VPS13B: variants seen among roughly 807,000 people sequenced by gnomAD.
The protein encoded by VPS13B is intermembrane lipid transfer protein VPS13B.
Under a neutral mutation model 426.4 loss-of-function variants are expected in VPS13B, and 285 were observed. That is an observed-to-expected ratio of 0.67 (90% CI 0.61 to 0.74). VPS13B has a LOEUF of 0.74. VPS13B is among the 30% of genes least tolerant of loss of function. The pLI, the probability that VPS13B is intolerant of heterozygous loss-of-function variation, is 0.00. For synonymous variants in VPS13B, 1,676 were observed against 1,676.4 expected (o/e 1.00, Z 0.01); for missense variants, 4,537 against 4,782.6 (o/e 0.95, Z 1.51).
In VPS13B at chr8:99,766,909, G is replaced by C. The variant is rs1811255457; in HGVS notation, c.7186G>C (p.Val2396Leu). Reference sequence around the variant, plus strand: ...TCTCGTGAATGACCAGAAGAAATTAGTATCTTCAGATCTTTGGAGAATTGT... The same window carrying C: ...TCTCGTGAATGACCAGAAGAAATTACTATCTTCAGATCTTTGGAGAATTGT... ...INLVNDQKKL[V>L]SSDLWRIVLN... The change falls in exon 40 of 62, where the codon GTA (valine) becomes CTA (leucine). Residue 2396 changes from valine to leucine, a missense_variant. Transcript: ENST00000357162. 1.2e-6 allele frequency: 2 copies of C among 1,613,890 alleles called. No individual in the cohort carries two copies. The highest frequency in any genetic ancestry group is 1.7e-5 in the Admixed American group (1 of 60,010).
At chr8:99,206,175 C>A in intron 17 of VPS13B, among the ~76,000 whole-genome samples, 1 of 152,218 alleles carries the variant, frequency 6.6e-6, no homozygotes, top group Non-Finnish European at 1.5e-5. Context: ...ACCACTTTTC[C>A]TTGTTCAGAA....
intron 33 of VPS13B, among the ~76,000 whole-genome samples, chr8:99,617,939 C>A (rs1484417722): frequency 6.6e-6 from 1 of 151,672 alleles, no homozygotes; most frequent in Non-Finnish European, 1.5e-5. Context: ...CCTTGCAGCT[C>A]ACTCATGATC....
chr8:99,051,802 G>T (rs1587966850), intron 3 of VPS13B, among the ~76,000 whole-genome samples: 1 of 152,222 alleles, frequency 6.6e-6, no homozygotes, highest in Middle Eastern at 3.4e-3. Flanking sequence ...ATTGTGAATG[G>T]GAGTTCACTC....
intron 17 of VPS13B, among the ~76,000 whole-genome samples, chr8:99,258,707 A>C (rs1817888111): frequency 6.6e-6 from 1 of 152,064 alleles, no homozygotes; most frequent in South Asian, 2.1e-4. Context: ...TTACTACCTG[A>C]AAGACTGTTT....
chr8:99,564,106 G>T (rs1176253854), intron 31 of VPS13B, among the ~76,000 whole-genome samples: 1 of 152,136 alleles, frequency 6.6e-6, no homozygotes, highest in Non-Finnish European at 1.5e-5. Context: ...GTTGTAGGGA[G>T]TGGGGAGTAG....
chr8:99,835,608 A>C lies in VPS13B; in HGVS notation c.9812A>C (p.His3271Pro). Residue 3271 changes from histidine (H) to proline (P), a missense_variant, in exon 54 of 62, where the codon CAT (histidine) becomes CCT (proline). Around this residue, in one of 2 missense-constraint regions of VPS13B, gnomAD observed 4,311 missense variants for 4,474.3 expected, o/e 0.96. Transcript: ENST00000357162. ...TGCTCAATTCATCATGAGCTGTATC[A>C]TCAGATTTCCAGTTATCCGGACTGC... ...SECSIHHELYHQISSYPDCKT... is the reference protein window; with the variant it reads ...SECSIHHELYPQISSYPDCKT... 6.2e-7 allele frequency: 1 copy of C among 1,614,170 alleles called. No homozygotes were observed. Among genetic ancestry groups the C allele is most frequent in the East Asian group, 2.2e-5 (1 of 44,884 alleles).
At chr8:99,490,317 T>C in intron 25 of VPS13B, among the ~76,000 whole-genome samples, 1 of 152,138 alleles carries the variant, frequency 6.6e-6, no homozygotes, top group East Asian at 1.9e-4. Flanking sequence ...ATTTTATTGA[T>C]GATTTTCGCG....
intron 19 of VPS13B, among the ~76,000 whole-genome samples, chr8:99,299,050 C>T (rs188041913): frequency 6.0e-4 from 82 of 136,556 alleles, no homozygotes; most frequent in Non-Finnish European, 8.9e-4. Context: ...GTTATTCCAC[C>T]ACTTTTTTTT....
At chr8:99,308,181 A>AT (rs900059942) in intron 19 of VPS13B, among the ~76,000 whole-genome samples, 12 of 147,802 alleles carry the variant, frequency 8.1e-5, no homozygotes, top group South Asian at 2.1e-4. Context: ...TTTATTTTTA[A>AT]TTTTTTTTTT....
At chr8:99,403,286 A>G (rs2133340349) in intron 21 of VPS13B, among the ~76,000 whole-genome samples, 1 of 152,166 alleles carries the variant, frequency 6.6e-6, no homozygotes, top group Admixed American at 6.5e-5. Context: ...GTGCCTATTG[A>G]AAATGTAATT....
At chr8:99,115,936 G>A (rs1847634317) in intron 7 of VPS13B, 62 bp downstream of exon 7, 1 of 1,541,620 alleles carries the variant, frequency 6.5e-7, no homozygotes, top group African/African-American at 1.4e-5. Context: ...TTTTACCATT[G>A]GGAAACTTTA....
chr8:99,022,867 C>T (rs1841964612), intron 2 of VPS13B, among the ~76,000 whole-genome samples: 2 of 151,634 alleles, frequency 1.3e-5, no homozygotes, highest in South Asian at 2.1e-4. Flanking sequence ...AAAAGTGTCC[C>T]TCTTTTTTTT....
At chr8:99,581,628 A>C (rs190482508) in intron 33 of VPS13B, among the ~76,000 whole-genome samples, 1 of 152,278 alleles carries the variant, frequency 6.6e-6, no homozygotes, top group East Asian at 1.9e-4. Context: ...ATACAGGTTG[A>C]GTCCCCTATC....
At chr8:99,504,763 C>G (rs1321422406) in intron 27 of VPS13B, among the ~76,000 whole-genome samples, 2 of 152,164 alleles carry the variant, frequency 1.3e-5, no homozygotes, top group Non-Finnish European at 2.9e-5. Context: ...TGAGCATTAT[C>G]TTCAACTTCA....
intron 54 of VPS13B, among the ~76,000 whole-genome samples, chr8:99,838,089 A>G (rs1815485594): frequency 6.6e-6 from 1 of 152,216 alleles, no homozygotes; most frequent in Non-Finnish European, 1.5e-5. Context: ...ACCAACAGTT[A>G]TTGAGAAGAC....
intron 8 of VPS13B, among the ~76,000 whole-genome samples, chr8:99,122,305 T>A (rs1026650087): frequency 2.6e-5 from 4 of 151,832 alleles, no homozygotes; most frequent in Admixed American, 2.6e-4. Context: ...CTTCCTCCAT[T>A]AACATAATGC....
chr8:99,469,503 T>C (rs1341215265), intron 24 of VPS13B, among the ~76,000 whole-genome samples: 1 of 152,134 alleles, frequency 6.6e-6, no homozygotes, highest in Non-Finnish European at 1.5e-5. Context: ...CAGTAGTGAA[T>C]ACTTTTGAAT....
chr8:99,078,081 T>C (rs1845235719), intron 3 of VPS13B, among the ~76,000 whole-genome samples: 1 of 152,008 alleles, frequency 6.6e-6, no homozygotes, highest in South Asian at 2.1e-4. Flanking sequence ...TCATGAATTT[T>C]TTTTTATAAC....
In VPS13B at chr8:99,303,756, A is replaced by G. The variant is rs1337653848; in HGVS notation, c.2824+28502A>G. 2.7e-5 allele frequency among the ~76,000 whole-genome samples: 4 copies of G among 150,422 alleles called. No individual in the cohort carries two copies. In the East Asian group the frequency reaches 5.8e-4, roughly 22 times the overall value. On this transcript the variant is annotated intron_variant, in intron 19 of 61. Transcript: ENST00000357162. ...AAAAAAAAAAAAAAAAAAAAAGAAT[A>G]TATGTTTCTTTCTTGTGATTGTGTG...
Sources: allele counts gnomAD v4.1 joint callset (sites outside exome capture counted in the v4.1 genomes callset), GRCh38; gene constraint gnomAD v4.1.1; regional missense constraint gnomAD v4.1.1; transcripts MANE v1.5; gene names NCBI Gene and HGNC (gene_info 2026-07-23, HGNC 2026-07-21).